ROBO1: variants seen among roughly 807,000 people sequenced by gnomAD.
ROBO1 encodes the protein roundabout guidance receptor 1.
In ROBO1, 149 loss-of-function variants were observed where a neutral mutation model predicts 195.9. That is an observed-to-expected ratio of 0.76 (90% CI 0.67 to 0.87). The LOEUF (loss-of-function observed/expected upper bound fraction) is 0.87. ROBO1 is among the 40% of genes least tolerant of loss of function. The pLI is 0.00. For synonymous variants in ROBO1, 816 were observed against 733.2 expected (o/e 1.11, Z -1.82); for missense variants, 1,933 against 2,068.3 (o/e 0.93, Z 1.27).
At chr3:78,692,338 T>C (rs1212078103) in intron 8 of ROBO1, among the ~76,000 whole-genome samples, 2 of 152,132 alleles carry the variant, frequency 1.3e-5, no homozygotes, top group African/African-American at 2.4e-5. Context: ...GGCACAATCA[T>C]GGCTCACTGC....
At chr3:78,653,645 G>T (rs1268569273) in intron 18 of ROBO1, among the ~76,000 whole-genome samples, 1 of 152,128 alleles carries the variant, frequency 6.6e-6, no homozygotes, top group Admixed American at 6.5e-5. Context: ...ACGTGTTTTT[G>T]TTGTGTTGCC....
chr3:78,819,523 G>T (rs1319567016), intron 4 of ROBO1, among the ~76,000 whole-genome samples: 2 of 150,190 alleles, frequency 1.3e-5, no homozygotes, highest in Non-Finnish European at 3.0e-5. Context: ...TTAGTGAAAA[G>T]ATCATCTTTT....
chr3:78,826,909 T>C lies in ROBO1; in HGVS notation c.500-80009A>G, dbSNP rs368682919. Reference sequence around the variant, plus strand: ...AACCTGACAGTTGATGTTTCAAATTTGGTAGCTGCCATCTTTACTGGACAA... The same window carrying C: ...AACCTGACAGTTGATGTTTCAAATTCGGTAGCTGCCATCTTTACTGGACAA... On this transcript the variant is annotated intron_variant, in intron 4 of 30. Coordinates refer to ENST00000464233, the MANE Select transcript of ROBO1 (RefSeq NM_002941.4). 9.8e-5 allele frequency among the ~76,000 whole-genome samples: 15 copies of C among 152,360 alleles called. No homozygotes were observed. The South Asian group carries it at 3.1e-3, about 32-fold the overall frequency.
At chr3:79,079,873 G>A (rs1376102804) in intron 3 of ROBO1, among the ~76,000 whole-genome samples, 2 of 151,762 alleles carry the variant, frequency 1.3e-5, no homozygotes, top group Non-Finnish European at 2.9e-5. Context: ...TTTGCTTAAA[G>A]AATGGTCAGA....
At chr3:79,601,552 G>A (rs879470639) in intron 1 of ROBO1, among the ~76,000 whole-genome samples, 7 of 151,852 alleles carry the variant, frequency 4.6e-5, no homozygotes, top group Non-Finnish European at 8.8e-5. Context: ...GTTAATGGAA[G>A]GATGAATGAA....
intron 2 of ROBO1, among the ~76,000 whole-genome samples, chr3:79,582,155 C>T (rs1171505689): frequency 6.6e-6 from 1 of 151,542 alleles, no homozygotes; most frequent in Non-Finnish European, 1.5e-5. Context: ...AACTATCATG[C>T]TCATATATTT....
rs78615859 is a variant in ROBO1, at chr3:79,585,537, A to G, written c.88+4287T>C. On this transcript the variant is annotated intron_variant, in intron 2 of 30. Coordinates refer to ENST00000464233, the MANE Select transcript of ROBO1 (RefSeq NM_002941.4). Reference sequence around the variant, plus strand: ...CAAAGCGAAATAAACCAGTAGTGGCATCAAATCTGCTCCTCCAAATCCTTG... The same window carrying G: ...CAAAGCGAAATAAACCAGTAGTGGCGTCAAATCTGCTCCTCCAAATCCTTG... 9.9e-5 allele frequency among the ~76,000 whole-genome samples: 15 copies of G among 152,138 alleles called. No individual in the cohort carries two copies. The East Asian group carries it at 2.9e-3, about 29-fold the overall frequency.
rs773803229 is a variant in ROBO1 at position 79,761,328 on chromosome 3, T to C, written c.-51+6424A>G. On this transcript the variant is annotated intron_variant, in intron 1 of 30. Transcript: ENST00000464233. ...ATTTTATTTACTTAAGACAATACTA[T>C]ATATGAATTAAATATGTAATATATA... Among the ~76,000 whole-genome samples, 140 of 151,760 alleles carry C rather than the reference T, an allele frequency of 9.2e-4. 1 individual carries two copies. The highest frequency in any genetic ancestry group is 1.6e-4 in the Non-Finnish European group (11 of 67,914).
chr3:79,135,365 G>A lies in ROBO1; in HGVS notation c.89-9826C>T, dbSNP rs1422845123. Among the ~76,000 whole-genome samples the A allele has an allele frequency of 2.0e-5, 3 of 152,082 alleles. No homozygotes were observed. The South Asian group carries it at 6.2e-4, about 32-fold the overall frequency. ...TCAAACTTACTATCACCAATAGCAG[G>A]CAACTAAGAGTGAGAAGTCCATTCT... On this transcript the variant is annotated intron_variant, in intron 2 of 30. Transcript: ENST00000464233.
intron 2 of ROBO1, among the ~76,000 whole-genome samples, chr3:79,205,697 A>G (rs1475011614): frequency 6.6e-6 from 1 of 152,186 alleles, no homozygotes; most frequent in East Asian, 1.9e-4. Context: ...GTGCACAGTA[A>G]TTGATTCAAA....
intron 27 of ROBO1, among the ~76,000 whole-genome samples, chr3:78,615,498 G>A (rs1244634961): frequency 6.6e-6 from 1 of 152,100 alleles, no homozygotes; most frequent in Non-Finnish European, 1.5e-5. Context: ...GGTACCAGTG[G>A]GAACTGAATT....
intron 3 of ROBO1, among the ~76,000 whole-genome samples, chr3:78,983,264 G>A (rs928284684): frequency 6.6e-5 from 10 of 152,100 alleles, no homozygotes; most frequent in African/African-American, 1.7e-4. Flanking sequence ...TTGAAACTAC[G>A]TAACAACAAC....
At chr3:79,568,935 T>TG (rs1383274891) in intron 2 of ROBO1, among the ~76,000 whole-genome samples, 2 of 152,330 alleles carry the variant, frequency 1.3e-5, no homozygotes, top group African/African-American at 4.8e-5. Context: ...TTTTATTTTA[T>TG]GTAACATATT....
intron 3 of ROBO1, among the ~76,000 whole-genome samples, chr3:79,097,513 T>C (rs1221617528): frequency 6.6e-6 from 1 of 151,850 alleles, no homozygotes; most frequent in African/African-American, 2.4e-5. Context: ...ATGTGGTGTT[T>C]TGTGTATGGA....
intron 2 of ROBO1, among the ~76,000 whole-genome samples, chr3:79,500,370 T>C (rs1268578400): frequency 3.3e-5 from 5 of 152,178 alleles, no homozygotes; most frequent in African/African-American, 1.2e-4. Flanking sequence ...CCTCAGGTGA[T>C]CCACCTGCCT....
intron 1 of ROBO1, among the ~76,000 whole-genome samples, chr3:79,746,791 A>G (rs1269657174): frequency 6.6e-6 from 1 of 152,112 alleles, no homozygotes; most frequent in South Asian, 2.1e-4. Context: ...AGCCTAAAAT[A>G]GTAATTTTAA....
rs1167482550 is a variant in ROBO1 at position 79,412,874 on chromosome 3, A to ATTTTTTTTT, written c.88+176941_88+176949dup. ...AATGATTTTATTGCCTCATGAGCTG[A>ATTTTTTTTT]TTTTTTTTTTTTTTTTTTTTTTTTT... On this transcript the variant is annotated intron_variant, in intron 2 of 30. Transcript: ENST00000464233. Among the ~76,000 whole-genome samples the ATTTTTTTTT allele has an allele frequency of 5.0e-3, 193 of 38,334 alleles. 40 individuals are homozygous for ATTTTTTTTT. Among genetic ancestry groups the ATTTTTTTTT allele is most frequent in the African/African-American group, 6.0e-3 (49 of 8,174 alleles). 25.1% of individuals were successfully genotyped at this position (38,334 alleles called of 152,430 possible).
At chr3:79,057,721 T>C (rs533211343) in intron 3 of ROBO1, among the ~76,000 whole-genome samples, 14 of 152,192 alleles carry the variant, frequency 9.2e-5, no homozygotes, top group African/African-American at 3.4e-4. Context: ...ACCAGTTTCC[T>C]CTCACACTGA....
intron 1 of ROBO1, among the ~76,000 whole-genome samples, chr3:79,722,245 T>C (rs1470565570): frequency 6.6e-6 from 1 of 152,232 alleles, no homozygotes; most frequent in Non-Finnish European, 1.5e-5. Flanking sequence ...AGCTCAAGTA[T>C]GTACGGGAAA....
Sources: allele counts gnomAD v4.1 joint callset (sites outside exome capture counted in the v4.1 genomes callset), GRCh38; gene constraint gnomAD v4.1.1; transcripts MANE v1.5; gene names NCBI Gene and HGNC (gene_info 2026-07-23, HGNC 2026-07-21).